Variants in MAPK8IP1 observed in about 807,000 individuals in gnomAD.
MAPK8IP1 encodes the protein mitogen-activated protein kinase 8 interacting protein 1, also known as C-Jun-amino-terminal kinase-interacting protein 1.
MAPK8IP1 carries 17 observed loss-of-function variants against 72.6 expected under a neutral mutation model. That is an observed-to-expected ratio of 0.23 (90% CI 0.16 to 0.35). MAPK8IP1 has a LOEUF of 0.35. Ranked by LOEUF, MAPK8IP1 falls within the 10% of genes least tolerant of loss-of-function variation. The pLI is 1.00. For synonymous variants in MAPK8IP1, 401 were observed against 443.4 expected (o/e 0.90, Z 1.20); for missense variants, 789 against 1,009.7 (o/e 0.78, Z 2.96).
chr11:45,892,537 A>C (rs561378319), intron 1 of MAPK8IP1, among the ~76,000 whole-genome samples: 278 of 152,352 alleles, frequency 1.8e-3, no homozygotes, highest in African/African-American at 6.2e-3. Flanking sequence ...ACGGAACCAC[A>C]GCCAGGAGGG....
chr11:45,893,305 A>G (rs2086580357), intron 1 of MAPK8IP1, among the ~76,000 whole-genome samples: 1 of 149,600 alleles, frequency 6.7e-6, no homozygotes, highest in Admixed American at 6.6e-5. Flanking sequence ...GCAGGGGAAA[A>G]GGGCCTGAAA....
rs2086702711 is a variant in MAPK8IP1 at position 45,905,691 on chromosome 11, C to T, written c.2106C>T (p.Thr702=). 1 of 1,613,776 alleles carries T rather than the reference C, an allele frequency of 6.2e-7. No individual in the cohort carries two copies. The highest frequency in any genetic ancestry group is 8.5e-7 in the Non-Finnish European group (1 of 1,179,854). The change falls in exon 12 of 12, where the codon ACC becomes ACT. Residue 702 remains threonine, a synonymous_variant. Coordinates refer to ENST00000241014, the MANE Select transcript of MAPK8IP1 (RefSeq NM_005456.4). The part of the protein sequence containing the change: ...QQFYKQFVEY[T]CPTEDIYLE ...TCTACAAGCAGTTTGTGGAGTACAC[C>T]TGCCCCACAGAAGATATCTACCTGG...
chr11:45,905,033 G>C lies in MAPK8IP1; in HGVS notation c.1956G>C (p.Lys652Asn). 1 of 1,614,124 alleles carries C rather than the reference G, an allele frequency of 6.2e-7. No individual in the cohort carries two copies. The highest frequency in any genetic ancestry group is 2.2e-5 in the East Asian group (1 of 44,884). ...TCTCTTTCTGCGGATATCATCCAAA[G>C]AACAACAAGTAAGTGGGGGTGGGAT... ...KNISFCGYHP[K>N]NNKYFGFITK... Residue 652 changes from lysine (K) to asparagine (N), a missense_variant, in exon 10 of 12, where the codon AAG becomes AAC. Physicochemically the swap from Lys to Asn is moderately conservative, Grantham distance 94. Coordinates refer to ENST00000241014, the MANE Select transcript of MAPK8IP1 (RefSeq NM_005456.4).
chr11:45,905,340 C>G, intron 11 of MAPK8IP1, 91 bp downstream of exon 11: 2 of 1,197,750 alleles, frequency 1.7e-6, no homozygotes, highest in Non-Finnish European at 2.4e-6. Flanking sequence ...CTTTGCCCCT[C>G]GGTTTCCCCC....
chr11:45,891,968 A>G (rs2086570033), intron 1 of MAPK8IP1, among the ~76,000 whole-genome samples: 1 of 152,228 alleles, frequency 6.6e-6, no homozygotes, highest in African/African-American at 2.4e-5. Context: ...AAAGTCGAAC[A>G]ACTGGATCCC....
In MAPK8IP1 at chr11:45,904,204, G is replaced by A. The variant is rs148381852; in HGVS notation, c.1666+43G>A. The A allele has an allele frequency of 0.02, 32,086 of 1,595,498 alleles. 400 individuals are homozygous for A. The highest frequency in any genetic ancestry group is 0.025 in the Non-Finnish European group (28,826 of 1,168,900). On this transcript the variant is annotated intron_variant, in intron 7 of 11. Transcript: ENST00000241014. The surrounding 1 kb of genome is among the most constrained non-coding windows in gnomAD (Gnocchi z 6.4). ...GCCTGTGCCCCCAGCCACCACATCT[G>A]TCTGCCCCAACTTGCTGCTAGGTGA...
chr11:45,906,012 A>G lies in MAPK8IP1; in HGVS notation c.*291A>G, dbSNP rs1489394937. 1.8e-6 allele frequency: 1 copy of G among 553,034 alleles called. No individual in the cohort carries two copies. The highest frequency in any genetic ancestry group is 3.1e-5 in the East Asian group (1 of 32,386). The allele number at this position is 553,034 out of a possible 1,614,324, so 34.3% of individuals were successfully genotyped here. ...TCTGGCAGAGAAGGATGTCCGTTCC[A>G]GGAGCACACGGCCCTGCCCCATCCT... On this transcript the variant is annotated 3_prime_UTR_variant, in exon 12 of 12. Transcript: ENST00000241014.
In MAPK8IP1 at chr11:45,903,277, A is replaced by G. The variant is rs1270014664; in HGVS notation, c.1418-88A>G. 9 of 1,584,750 alleles carry G rather than the reference A, an allele frequency of 5.7e-6. No homozygotes were observed. Among genetic ancestry groups the G allele is most frequent in the Non-Finnish European group, 7.8e-6 (9 of 1,159,252 alleles). On this transcript the variant is annotated intron_variant, in intron 5 of 11. Transcript: ENST00000241014. This position sits in a 1 kb window ranked among gnomAD's most constrained non-coding sequence, Gnocchi z 6.4. ...GTTCTGGGAGGCGACCCCAGGCCCC[A>G]TCTGGTTAGGACTGAGGCTTCTACC...
intron 1 of MAPK8IP1, chr11:45,896,897 G>A (rs1185519743): frequency 6.4e-7 from 1 of 1,564,128 alleles, no homozygotes; most frequent in Admixed American, 1.9e-5. Flanking sequence ...TGGTGCTGAA[G>A]ATGGATTCGA....
At chr11:45,890,557 C>T (rs2086559057) in intron 1 of MAPK8IP1, among the ~76,000 whole-genome samples, 1 of 152,124 alleles carries the variant, frequency 6.6e-6, no homozygotes, top group Non-Finnish European at 1.5e-5. Context: ...GGGGACTAGC[C>T]ATCCTGCTGG....
Position 45,902,564 on chromosome 11 carries a change from G to A in MAPK8IP1, c.797G>A (p.Arg266Gln), listed in dbSNP as rs755928465. The A allele has an allele frequency of 2.1e-5, 34 of 1,612,470 alleles. No homozygotes were observed. The highest frequency in any genetic ancestry group is 4.0e-5 in the African/African-American group (3 of 74,860). Residue 266 changes from arginine to glutamine, a missense_variant, in exon 5 of 12, where the codon CGA (arginine) becomes CAA (glutamine). By Grantham distance (43) the Arg-to-Gln change is conservative (BLOSUM62 1). Transcript: ENST00000241014. The surrounding 1 kb of genome is among the most constrained non-coding windows in gnomAD (Gnocchi z 9.3). ...GGTCGGGGCCACTCGCATCGAGACC[G>A]AATCCACTACCAGGCCGATGTGCGA... ...PGGRGHSHRDRIHYQADVRLE... is the reference protein window; with the variant it reads ...PGGRGHSHRDQIHYQADVRLE...
intron 3 of MAPK8IP1, among the ~76,000 whole-genome samples, chr11:45,901,373 C>T (rs1043648942): frequency 2.0e-5 from 3 of 152,070 alleles, no homozygotes; most frequent in African/African-American, 7.3e-5. Context: ...TCTGTCACTC[C>T]TCAGTCTCAT....
At position 45,904,389 on chromosome 11, in the gene MAPK8IP1, C is replaced by A; in HGVS notation, c.1667-66C>A. On this transcript the variant is annotated intron_variant, in intron 7 of 11. Coordinates refer to ENST00000241014, the MANE Select transcript of MAPK8IP1 (RefSeq NM_005456.4). This position sits in a 1 kb window ranked among gnomAD's most constrained non-coding sequence, Gnocchi z 6.4. The stretch of plus-strand genomic sequence containing the variant: ...CATTCCCCGTGCCTCACCCACCCTC[C>A]TTCACTTGGCTGCTCAGCTCCCTCC... 7.1e-7 allele frequency: 1 copy of A among 1,406,416 alleles called. No homozygotes were observed. The highest frequency in any genetic ancestry group is 1.0e-6 in the Non-Finnish European group (1 of 999,454). The allele number at this position is 1,406,416 out of a possible 1,614,324, so 87.1% of individuals were successfully genotyped here.
rs2086672299 is a variant in MAPK8IP1 at position 45,903,272 on chromosome 11, G to A, written c.1417+88G>A. The A allele has an allele frequency of 1.3e-6, 2 of 1,578,226 alleles. No homozygotes were observed. Among genetic ancestry groups the A allele is most frequent in the Non-Finnish European group, 1.7e-6 (2 of 1,154,212 alleles). On this transcript the variant is annotated intron_variant, in intron 5 of 11. Transcript: ENST00000241014. The surrounding 1 kb of genome is among the most constrained non-coding windows in gnomAD (Gnocchi z 6.4). ...GAAGTGTTCTGGGAGGCGACCCCAG[G>A]CCCCATCTGGTTAGGACTGAGGCTT...
At chr11:45,896,661 G>A in intron 1 of MAPK8IP1, 1 of 1,403,470 alleles carries the variant, frequency 7.1e-7, no homozygotes, top group Non-Finnish European at 9.3e-7. Context: ...GGAAGAGCTG[G>A]GGCTGGGACC....
At position 45,904,531 on chromosome 11, in the gene MAPK8IP1, G is replaced by A; in HGVS notation, c.1743G>A (p.Lys581=). Residue 581 remains lysine, a synonymous_variant, in exon 8 of 12, where the codon AAG becomes AAA. Transcript: ENST00000241014. The surrounding 1 kb of genome is among the most constrained non-coding windows in gnomAD (Gnocchi z 6.4). ...GCTCAGTCCAGGTTCCCTATCACAA[G>A]GGCAATGACGTCCTCTGTGCTGCTA... ...FLGSVQVPYH[K]GNDVLCAAMQ... 6.2e-7 allele frequency: 1 copy of A among 1,614,196 alleles called. No individual in the cohort carries two copies. Among genetic ancestry groups the A allele is most frequent in the African/African-American group, 1.3e-5 (1 of 75,040 alleles).
chr11:45,903,026 C>T lies in MAPK8IP1; in HGVS notation c.1259C>T (p.Ser420Phe). 1 of 1,611,758 alleles carries T rather than the reference C, an allele frequency of 6.2e-7. No individual in the cohort carries two copies. Among genetic ancestry groups the T allele is most frequent in the Non-Finnish European group, 8.5e-7 (1 of 1,179,888 alleles). The change falls in exon 5 of 12, where the codon TCC (serine) becomes TTC (phenylalanine). Residue 420 changes from serine to phenylalanine, a missense_variant. Around this residue, in one of 4 missense-constraint regions of MAPK8IP1, gnomAD observed 377 missense variants for 411.7 expected, o/e 0.92. Transcript: ENST00000241014. This position sits in a 1 kb window ranked among gnomAD's most constrained non-coding sequence, Gnocchi z 6.4. ...GTCTATGACAACTGTGCCTCCGTCT[C>T]CTCGCCCTATGAGTCGGCCATCGGA... The part of the protein sequence containing the change: ...ATVYDNCASV[S>F]SPYESAIGEE...
In MAPK8IP1 at chr11:45,904,574, C is replaced by T. The variant is rs761618910; in HGVS notation, c.1776+10C>T. ...TGCTGCTATGCAAAAGGTACCTGAG[C>T]CCTCTCCCTTCTCCTCCCTTGGATG... is the stretch of plus-strand genomic sequence containing the variant. On this transcript the variant is annotated intron_variant, in intron 8 of 11. Coordinates refer to ENST00000241014, the MANE Select transcript of MAPK8IP1 (RefSeq NM_005456.4). The surrounding 1 kb of genome is among the most constrained non-coding windows in gnomAD (Gnocchi z 6.4). The T allele has an allele frequency of 6.8e-6, 11 of 1,612,646 alleles. No homozygotes were observed. The East Asian group carries it at 2.2e-4, about 33-fold the overall frequency.
At position 45,903,578 on chromosome 11, in the gene MAPK8IP1, T is replaced by G. The variant is rs1398511876; in HGVS notation, c.1493+138T>G. The G allele has an allele frequency of 1.3e-6, 1 of 768,026 alleles. No homozygotes were observed. Among genetic ancestry groups the G allele is most frequent in the Admixed American group, 2.0e-5 (1 of 49,552 alleles). The allele number at this position is 768,026 out of a possible 1,614,324, so 47.6% of individuals were successfully genotyped here. Reference sequence around the variant, plus strand: ...TATCCACTCAGCCCTGGGAGGACAGTGTCCACTCTCTAGGGACTCAGAGTA... The same window carrying G: ...TATCCACTCAGCCCTGGGAGGACAGGGTCCACTCTCTAGGGACTCAGAGTA... On this transcript the variant is annotated intron_variant, in intron 6 of 11. Transcript: ENST00000241014. The surrounding 1 kb of genome is among the most constrained non-coding windows in gnomAD (Gnocchi z 6.4).
Sources: allele counts gnomAD v4.1 joint callset (sites outside exome capture counted in the v4.1 genomes callset), GRCh38; gene constraint gnomAD v4.1.1; regional missense constraint gnomAD v4.1.1; non-coding constraint Gnocchi (gnomAD v3.1); transcripts MANE v1.5; gene names NCBI Gene and HGNC (gene_info 2026-07-23, HGNC 2026-07-21).